DNM3: variants seen among roughly 807,000 people sequenced by gnomAD.
The protein encoded by DNM3 is dynamin-3.
In DNM3, 47 loss-of-function variants were observed where a neutral mutation model predicts 101.6. The observed-to-expected ratio is 0.46, with a 90% confidence interval of 0.37 to 0.59. The LOEUF (loss-of-function observed/expected upper bound fraction) is 0.59, where lower values mean the gene tolerates loss of function less well. DNM3 is among the 20% of genes least tolerant of loss of function. DNM3 has a pLI of 0.00. For synonymous variants in DNM3, 385 were observed against 387.9 expected, an observed-to-expected ratio of 0.99 and a Z score of 0.09; for missense variants, 849 against 1,085.7, an observed-to-expected ratio of 0.78 and a Z score of 3.06.
intron 4 of DNM3, among the ~76,000 whole-genome samples, chr1:172,013,160 A>G (rs1207784104): frequency 6.6e-6 from 1 of 151,980 alleles, no homozygotes; most frequent in Non-Finnish European, 1.5e-5. Flanking sequence ...GCAGTGTTCC[A>G]GATTACTTTT....
At chr1:172,345,139 G>A (rs2066870999) in intron 17 of DNM3, among the ~76,000 whole-genome samples, 1 of 152,182 alleles carries the variant, frequency 6.6e-6, no homozygotes. Context: ...TATAATCATA[G>A]AGGGAATAAG....
chr1:172,224,446 C>G (rs2061025951), intron 14 of DNM3, among the ~76,000 whole-genome samples: 1 of 151,956 alleles, frequency 6.6e-6, no homozygotes, highest in Non-Finnish European at 1.5e-5. Flanking sequence ...TGATCCAGGT[C>G]CTTTTACCAC....
At chr1:172,062,644 C>T (rs1234070210) in intron 10 of DNM3, among the ~76,000 whole-genome samples, 1 of 152,118 alleles carries the variant, frequency 6.6e-6, no homozygotes, top group African/African-American at 2.4e-5. Flanking sequence ...TCTGGCACTC[C>T]TTTTCCCTTC....
intron 9 of DNM3, among the ~76,000 whole-genome samples, chr1:172,045,263 G>A (rs2125848674): frequency 6.6e-6 from 1 of 152,280 alleles, no homozygotes; most frequent in South Asian, 2.1e-4. Flanking sequence ...TTGGACTGCT[G>A]TAACAAATGA....
At chr1:172,005,530 A>G (rs917729832) in intron 4 of DNM3, among the ~76,000 whole-genome samples, 3 of 152,032 alleles carry the variant, frequency 2.0e-5, no homozygotes, top group Non-Finnish European at 4.4e-5. Flanking sequence ...TCACTCGTCT[A>G]AGGCTCCTTG....
At chr1:172,267,023 TA>T (rs1471609544) in intron 15 of DNM3, among the ~76,000 whole-genome samples, 1 of 152,168 alleles carries the variant, frequency 6.6e-6, no homozygotes, top group Non-Finnish European at 1.5e-5. Flanking sequence ...CAGGCATGAG[TA>T]GTGTTACTAG....
At chr1:172,007,338 A>G (rs1229862000) in intron 4 of DNM3, among the ~76,000 whole-genome samples, 1 of 152,000 alleles carries the variant, frequency 6.6e-6, no homozygotes, top group Non-Finnish European at 1.5e-5. Context: ...TTTCATTGTT[A>G]TGTCTGTGAG....
rs901355084 is a variant in DNM3 at position 172,374,766 on chromosome 1, A to G, written c.1894-4252A>G. ...TCTCTAGGACTTTATTAACTTTGAT[A>G]TAGTGCATCTATACTCATCCATGTA... On this transcript the variant is annotated intron_variant, in intron 17 of 20. Coordinates refer to ENST00000627582, the MANE Select transcript of DNM3 (RefSeq NM_015569.5). Among the ~76,000 whole-genome samples the G allele has an allele frequency of 2.6e-5, 4 of 152,086 alleles. No homozygotes were observed. The East Asian group carries it at 7.7e-4, about 29-fold the overall frequency.
chr1:171,851,570 C>T (rs1405833658), intron 1 of DNM3, among the ~76,000 whole-genome samples: 2 of 152,190 alleles, frequency 1.3e-5, no homozygotes, highest in East Asian at 1.9e-4. Context: ...TGCGCCACCA[C>T]ACCTGGCTAA....
intron 4 of DNM3, among the ~76,000 whole-genome samples, chr1:171,999,031 G>C (rs1167831555): frequency 6.6e-6 from 1 of 152,092 alleles, no homozygotes; most frequent in Non-Finnish European, 1.5e-5. Flanking sequence ...TTTTTTCAAA[G>C]TGGGCTGAGC....
chr1:172,413,040 G>GA (rs1419969335), downstream of DNM3, among the ~76,000 whole-genome samples: 9 of 152,162 alleles, frequency 5.9e-5, no homozygotes, highest in African/African-American at 1.9e-4. Context: ...GTTTGCTGTT[G>GA]AAAATGAAGC....
intron 1 of DNM3, among the ~76,000 whole-genome samples, chr1:171,892,292 C>A (rs1447513852): frequency 1.3e-5 from 2 of 152,066 alleles, no homozygotes; most frequent in Non-Finnish European, 2.9e-5. Flanking sequence ...TTCCAAGGAG[C>A]CCTGGTTCTT....
At chr1:171,914,462 TTC>T (rs2039551374) in intron 1 of DNM3, among the ~76,000 whole-genome samples, 1 of 152,342 alleles carries the variant, frequency 6.6e-6, no homozygotes, top group South Asian at 2.1e-4. Context: ...TGGCTGAGAT[TTC>T]TCTGTTTTTA....
intron 2 of DNM3, among the ~76,000 whole-genome samples, chr1:171,956,356 G>T (rs377186539): frequency 6.6e-6 from 1 of 152,226 alleles, no homozygotes; most frequent in African/African-American, 2.4e-5. Flanking sequence ...CAAAACAAGG[G>T]GATAAAGGCC....
At chr1:171,909,647 A>G (rs2039131831) in intron 1 of DNM3, among the ~76,000 whole-genome samples, 1 of 152,076 alleles carries the variant, frequency 6.6e-6, no homozygotes, top group Admixed American at 6.5e-5. Flanking sequence ...TGACTATCAC[A>G]TTGCCTGCCC....
intron 14 of DNM3, among the ~76,000 whole-genome samples, chr1:172,233,001 A>T (rs532718008): frequency 2.0e-5 from 3 of 152,174 alleles, no homozygotes; most frequent in Non-Finnish European, 4.4e-5. Flanking sequence ...GAGCAAACAC[A>T]TTCAAAAGCT....
At chr1:172,071,064 T>C (rs1212398957) in intron 11 of DNM3, among the ~76,000 whole-genome samples, 3 of 133,160 alleles carry the variant, frequency 2.3e-5, no homozygotes, top group African/African-American at 8.8e-5. Context: ...CACTCCAGCC[T>C]GGGTGACAGA....
intron 1 of DNM3, among the ~76,000 whole-genome samples, chr1:171,917,443 T>C (rs990802716): frequency 4.6e-5 from 7 of 152,274 alleles, no homozygotes; most frequent in African/African-American, 1.2e-4. Flanking sequence ...AACTATAGTG[T>C]GGGAATTGTA....
intron 2 of DNM3, among the ~76,000 whole-genome samples, chr1:171,960,475 C>T (rs2043145919): frequency 1.3e-5 from 2 of 152,094 alleles, no homozygotes; most frequent in East Asian, 1.9e-4. Context: ...AGTACATTTG[C>T]AGAACAAGAG....
Sources: gnomAD v4.1 joint callset for allele counts (sites outside exome capture counted in the v4.1 genomes callset) on GRCh38, gnomAD v4.1.1 for gene constraint, MANE v1.5 for transcripts, NCBI Gene and HGNC (gene_info 2026-07-23, HGNC 2026-07-21) for gene names.